ANAPC1: variants seen among roughly 807,000 people sequenced by gnomAD.
The protein encoded by ANAPC1 is anaphase-promoting complex subunit 1.
In ANAPC1, 36 loss-of-function variants were observed where a neutral mutation model predicts 208.0. The observed-to-expected ratio is 0.17, with a 90% CI of 0.13 to 0.23. ANAPC1 has a LOEUF of 0.23. Ranked by LOEUF, ANAPC1 falls within the 10% of genes least tolerant of loss-of-function variation. The pLI is 1.00. For synonymous variants in ANAPC1, 378 were observed against 695.2 expected, an observed-to-expected ratio of 0.54 and a Z score of 7.18; for missense variants, 942 against 2,011.6, an observed-to-expected ratio of 0.47 and a Z score of 10.17.
chr2:111,872,213 C>G (rs1480493775), intron 6 of ANAPC1, among the ~76,000 whole-genome samples: 1 of 152,002 alleles, frequency 6.6e-6, no homozygotes, highest in African/African-American at 2.4e-5. Flanking sequence ...GAATTTTATC[C>G]AATGCTTTTT....
intron 29 of ANAPC1, among the ~76,000 whole-genome samples, 173 bp from the exon 30 acceptor site, chr2:111,806,066 A>G (rs928550007): frequency 6.6e-6 from 1 of 151,814 alleles, no homozygotes; most frequent in African/African-American, 2.4e-5. Context: ...TTTACCTACC[A>G]AAAAAAAGGG....
intron 14 of ANAPC1, among the ~76,000 whole-genome samples, chr2:111,849,602 C>T (rs1681281278): frequency 6.6e-6 from 1 of 152,232 alleles, no homozygotes; most frequent in Non-Finnish European, 1.5e-5. Flanking sequence ...CTTCCCAGGT[C>T]ATTCAGAGAA....
chr2:111,866,981 A>G (rs1025389702), intron 7 of ANAPC1, among the ~76,000 whole-genome samples: 1 of 152,136 alleles, frequency 6.6e-6, no homozygotes, highest in African/African-American at 2.4e-5. Context: ...TATTTCCTAC[A>G]ACCCTTTAAA....
intron 10 of ANAPC1, among the ~76,000 whole-genome samples, chr2:111,861,487 G>GA (rs1682062097): frequency 6.6e-6 from 1 of 151,462 alleles, no homozygotes; most frequent in Non-Finnish European, 1.5e-5. Flanking sequence ...GATCCCAGCT[G>GA]CCGTCTGTGG....
rs1384939122 is a variant in ANAPC1 at position 111,805,393 on chromosome 2, AGT to A, written c.3924+407_3924+408del. Among the ~76,000 whole-genome samples, 47 of 80,910 alleles carry A rather than the reference AGT, an allele frequency of 5.8e-4. 5 individuals carry two copies. The highest frequency in any genetic ancestry group is 2.1e-3 in the African/African-American group (42 of 19,780). 53.1% of individuals were successfully genotyped at this position (80,910 alleles called of 152,430 possible). A position where few individuals can be genotyped will look rare whatever the true frequency, so the allele number is the denominator to read the frequency against. ...ACTGGGACAACATTCTGGGATACACAGTGAACATCACTACGGCAAAAGGGGGT... is the reference window on the plus strand; with the variant it reads ...ACTGGGACAACATTCTGGGATACACAGAACATCACTACGGCAAAAGGGGGT... On this transcript the variant is annotated intron_variant, in intron 30 of 47. Coordinates refer to ENST00000341068, the MANE Select transcript of ANAPC1 (RefSeq NM_022662.4).
chr2:111,833,446 A>G (rs1680289144), intron 19 of ANAPC1, 135 bp from the exon 20 acceptor site: 2 of 1,324,060 alleles, frequency 1.5e-6, no homozygotes, highest in South Asian at 2.4e-5. Flanking sequence ...GAGTCTCTCT[A>G]TTGTATTTTT....
chr2:111,848,753 G>A (rs74189873), intron 14 of ANAPC1, among the ~76,000 whole-genome samples: 28,372 of 149,568 alleles, frequency 0.19, 2,959 homozygotes, highest in Middle Eastern at 0.29. Flanking sequence ...CTCCAGCCTA[G>A]ATGACAGGGC....
intron 38 of ANAPC1, among the ~76,000 whole-genome samples, chr2:111,790,397 T>G (rs1036858178): frequency 6.6e-6 from 1 of 152,150 alleles, no homozygotes; most frequent in Admixed American, 6.5e-5. Flanking sequence ...CATAAGACAA[T>G]GGAGTATTGG....
intron 39 of ANAPC1, among the ~76,000 whole-genome samples, chr2:111,786,697 CAA>C (rs556240529): frequency 6.3e-5 from 4 of 63,708 alleles, no homozygotes; most frequent in African/African-American, 6.3e-5. Context: ...GACTCTGTCT[CAA>C]AAAAAAAAAA....
chr2:111,806,275 T>C (rs2104572088), intron 29 of ANAPC1, among the ~76,000 whole-genome samples: 1 of 67,934 alleles, frequency 1.5e-5, no homozygotes, highest in South Asian at 6.6e-4. Context: ...CTCATGCCTG[T>C]AATCCCAGCA....
intron 11 of ANAPC1, among the ~76,000 whole-genome samples, 154 bp downstream of exon 11, chr2:111,858,152 T>A (rs1681837734): frequency 6.6e-6 from 1 of 151,650 alleles, no homozygotes; most frequent in Non-Finnish European, 1.5e-5. Context: ...TTACTAAAAA[T>A]CATTTAATTA....
chr2:111,843,820 CTTTTT>C (rs369036574), intron 16 of ANAPC1, among the ~76,000 whole-genome samples: 3 of 86,828 alleles, frequency 3.5e-5, no homozygotes, highest in East Asian at 3.6e-4. Context: ...CTGAAGACAG[CTTTTT>C]TTTTTTTTTT....
At chr2:111,853,174 T>C (rs1259824383) in intron 13 of ANAPC1, among the ~76,000 whole-genome samples, 2 of 152,224 alleles carry the variant, frequency 1.3e-5, no homozygotes, top group Non-Finnish European at 2.9e-5. Context: ...AGCTATCTTC[T>C]GATTACTGTT....
intron 45 of ANAPC1, among the ~76,000 whole-genome samples, chr2:111,777,450 GATCC>G (rs1677053254): frequency 6.6e-6 from 1 of 151,298 alleles, no homozygotes; most frequent in Non-Finnish European, 1.5e-5. Flanking sequence ...CTGCCCTTGA[GATCC>G]ATCTGCAAGT....
In ANAPC1 at chr2:111,808,180, T is replaced by C. The variant is rs987195301; in HGVS notation, c.3832+767A>G. Reference sequence around the variant, plus strand: ...AGCAGAGCTGCCTGGGCCAATGCTATGCCTGTATGTATGTAGCATCACTGT... The same window carrying C: ...AGCAGAGCTGCCTGGGCCAATGCTACGCCTGTATGTATGTAGCATCACTGT... On this transcript the variant is annotated intron_variant, in intron 29 of 47. Coordinates refer to ENST00000341068, the MANE Select transcript of ANAPC1 (RefSeq NM_022662.4). Among the ~76,000 whole-genome samples, 39 of 151,598 alleles carry C rather than the reference T, an allele frequency of 2.6e-4. 1 individual carries two copies. The highest frequency in any genetic ancestry group is 9.2e-4 in the African/African-American group (38 of 41,250).
chr2:111,848,517 C>G (rs1192056964), intron 14 of ANAPC1, among the ~76,000 whole-genome samples: 1 of 152,034 alleles, frequency 6.6e-6, no homozygotes, highest in African/African-American at 2.4e-5. Context: ...TGGCTCATGC[C>G]TATAATCCCA....
chr2:111,843,885 C>T (rs1326063341), intron 16 of ANAPC1, among the ~76,000 whole-genome samples: 1 of 127,180 alleles, frequency 7.9e-6, no homozygotes, highest in Non-Finnish European at 1.5e-5. Flanking sequence ...AGTGCTGTGG[C>T]ACGGTCTTGG....
rs140453667 is a variant in ANAPC1 at position 111,872,654 on chromosome 2, T to C, written c.587A>G (p.His196Arg). 5.0e-6 allele frequency: 8 copies of C among 1,613,534 alleles called. No individual in the cohort carries two copies. The highest frequency in any genetic ancestry group is 1.7e-4 in the Middle Eastern group (1 of 6,056). The change falls in exon 6 of 48, where the codon CAT (histidine) becomes CGT (arginine). Residue 196 changes from histidine to arginine, a missense_variant. His to Arg is a conservative substitution (Grantham distance 29). Transcript: ENST00000341068. ...GLLFERSASS[H>R]EVPPGSPREP... The stretch of plus-strand genomic sequence containing the variant: ...CCTGGGTGAACCTGGAGGTACTTCA[T>C]GTGAAGAAGCGCTTCGTTCAAACAG...
chr2:111,882,733 G>GTC (rs1278664858), intron 1 of ANAPC1, among the ~76,000 whole-genome samples: 1 of 143,904 alleles, frequency 6.9e-6, no homozygotes, highest in Non-Finnish European at 1.5e-5. Flanking sequence ...GCAAAACTCC[G>GTC]TCTCAAAAAA....
Sources: allele counts gnomAD v4.1 joint callset (sites outside exome capture counted in the v4.1 genomes callset), GRCh38; gene constraint gnomAD v4.1.1; transcripts MANE v1.5; gene names NCBI Gene and HGNC (gene_info 2026-07-23, HGNC 2026-07-21).